Variants in FRMD4B observed in about 807,000 individuals in gnomAD.
The protein encoded by FRMD4B is FERM domain-containing protein 4B.
FRMD4B carries 74 observed loss-of-function variants against 141.5 expected under a neutral mutation model. The ratio of observed to expected loss-of-function variants is 0.52; its 90% confidence interval spans 0.43 to 0.63. The LOEUF is 0.63. Ranked by LOEUF, FRMD4B falls within the 30% of genes least tolerant of loss-of-function variation. The probability of loss-of-function intolerance (pLI) is 0.00; values close to 1 mark genes in which losing one functional copy is unlikely to be tolerated. For missense variants in FRMD4B, 1,366 were observed against 1,253.4 expected (o/e 1.09, Z -1.36); for synonymous variants, 506 against 467.9 (o/e 1.08, Z -1.05).
chr3:69,490,356 A>G (rs1020486923), intron 1 of FRMD4B, among the ~76,000 whole-genome samples: 2 of 152,176 alleles, frequency 1.3e-5, no homozygotes, highest in Admixed American at 6.5e-5. Flanking sequence ...AGATCTTTGC[A>G]TCAGTTCTTC....
At chr3:69,509,954 G>C (rs1397114808) in intron 1 of FRMD4B, among the ~76,000 whole-genome samples, 2 of 151,012 alleles carry the variant, frequency 1.3e-5, no homozygotes, top group Non-Finnish European at 3.0e-5. Context: ...CTCTACTATG[G>C]AGTATAAACA....
intron 7 of FRMD4B, among the ~76,000 whole-genome samples, chr3:69,228,074 A>G (rs1291318996): frequency 6.6e-6 from 1 of 152,252 alleles, no homozygotes; most frequent in African/African-American, 2.4e-5. Context: ...GGGGACGTTT[A>G]GCAATGTTTG....
intron 2 of FRMD4B, among the ~76,000 whole-genome samples, chr3:69,409,348 C>T (rs1704714338): frequency 2.6e-5 from 4 of 152,196 alleles, no homozygotes; most frequent in African/African-American, 9.7e-5. Flanking sequence ...GAAACTCATA[C>T]AACCAGGAGA....
At chr3:69,335,884 G>A (rs1446214638) in intron 1 of FRMD4B, among the ~76,000 whole-genome samples, 4 of 151,590 alleles carry the variant, frequency 2.6e-5, no homozygotes, top group Middle Eastern at 3.2e-3. Context: ...CACCATGTTC[G>A]GCTAATTTTT....
chr3:69,285,271 C>G (rs1224527714), intron 5 of FRMD4B, among the ~76,000 whole-genome samples: 1 of 151,610 alleles, frequency 6.6e-6, no homozygotes, highest in Non-Finnish European at 1.5e-5. Context: ...GAAGACAAAG[C>G]AAGAGAAACT....
intron 1 of FRMD4B, chr3:69,536,080 GGTGTCCTTGCCCACACT>G: frequency 2.2e-6 from 1 of 451,044 alleles, no homozygotes; most frequent in African/African-American, 2.0e-5. Flanking sequence ...GCTGTGGCCT[GGTGTCCTTGCCCACACT>G]GCCTTGCTTG....
intron 1 of FRMD4B, among the ~76,000 whole-genome samples, chr3:69,470,993 T>C (rs1705879314): frequency 6.6e-6 from 1 of 152,170 alleles, no homozygotes; most frequent in South Asian, 2.1e-4. Context: ...GGTAGTTTCC[T>C]AAGTGATTTT....
At chr3:69,203,320 CAAAAAAAAAAA>C (rs796607832) in intron 11 of FRMD4B, among the ~76,000 whole-genome samples, 1 of 107,898 alleles carries the variant, frequency 9.3e-6, no homozygotes, top group Non-Finnish European at 1.7e-5. Context: ...CAAACTTCAG[CAAAAAAAAAAA>C]AAAAAAAAAA....
intron 22 of FRMD4B, among the ~76,000 whole-genome samples, chr3:69,172,571 G>T (rs971043309): frequency 6.6e-6 from 1 of 152,058 alleles, no homozygotes; most frequent in African/African-American, 2.4e-5. Flanking sequence ...TCGAATTGAG[G>T]GAATATGCTA....
At chr3:69,415,756 G>A (rs1408442099) in intron 2 of FRMD4B, among the ~76,000 whole-genome samples, 1 of 152,152 alleles carries the variant, frequency 6.6e-6, no homozygotes, top group African/African-American at 2.4e-5. Context: ...TCTTTTCCAT[G>A]GGGCTGTGGG....
At chr3:69,248,747 C>A (rs912781305) in intron 7 of FRMD4B, among the ~76,000 whole-genome samples, 1 of 152,210 alleles carries the variant, frequency 6.6e-6, no homozygotes. Context: ...TAAGTGTCTC[C>A]GCAGCAACAA....
intron 1 of FRMD4B, among the ~76,000 whole-genome samples, chr3:69,506,979 G>C (rs964787453): frequency 9.9e-5 from 15 of 152,136 alleles, no homozygotes; most frequent in Admixed American, 9.8e-4. Context: ...AATTGGGTGG[G>C]TCATATGATC....
chr3:69,499,773 A>G (rs1706462234), intron 1 of FRMD4B, among the ~76,000 whole-genome samples: 1 of 152,138 alleles, frequency 6.6e-6, no homozygotes. Context: ...TTCTGGTGTT[A>G]ATAGCTGTGG....
chr3:69,532,957 T>C (rs918071258), intron 1 of FRMD4B, among the ~76,000 whole-genome samples: 1 of 152,230 alleles, frequency 6.6e-6, no homozygotes, highest in African/African-American at 2.4e-5. Flanking sequence ...AAGAGCATAA[T>C]TATTTCCAAT....
At chr3:69,493,514 G>A (rs1706336608) in intron 1 of FRMD4B, among the ~76,000 whole-genome samples, 1 of 152,160 alleles carries the variant, frequency 6.6e-6, no homozygotes. Context: ...CTAGTTCCTG[G>A]AATGGAAGGT....
chr3:69,418,138 T>C (rs1704901693), intron 2 of FRMD4B, among the ~76,000 whole-genome samples: 1 of 152,216 alleles, frequency 6.6e-6, no homozygotes, highest in Admixed American at 6.5e-5. Context: ...CTAATATCTT[T>C]GGGGCAATTA....
intron 2 of FRMD4B, among the ~76,000 whole-genome samples, chr3:69,424,969 T>C (rs1258718466): frequency 6.6e-6 from 1 of 152,174 alleles, no homozygotes; most frequent in East Asian, 1.9e-4. Context: ...AGCCTTTTAT[T>C]TCTACCTACC....
intron 7 of FRMD4B, among the ~76,000 whole-genome samples, chr3:69,226,510 A>T (rs2093255917): frequency 6.6e-6 from 1 of 151,504 alleles, no homozygotes; most frequent in Non-Finnish European, 1.5e-5. Flanking sequence ...AAATGCATGC[A>T]TGTATTCAAA....
intron 17 of FRMD4B, 59 bp from the exon 18 acceptor site, chr3:69,190,011 T>C: frequency 1.1e-6 from 1 of 913,054 alleles, no homozygotes; most frequent in East Asian, 2.4e-5. Context: ...TAGAGGGGTC[T>C]TAGATAAACA....
Sources: allele counts gnomAD v4.1 joint callset (sites outside exome capture counted in the v4.1 genomes callset), GRCh38; gene constraint gnomAD v4.1.1; transcripts MANE v1.5; gene names NCBI Gene and HGNC (gene_info 2026-07-23, HGNC 2026-07-21).